The following OCSTAMP variants were observed in gnomAD, a reference collection of about 807,000 sequenced individuals.
The protein encoded by OCSTAMP is osteoclast stimulatory transmembrane protein, also known as transmembrane protein C20orf123.
Under a neutral mutation model 25.2 loss-of-function variants are expected in OCSTAMP, and 17 were observed. That is an observed-to-expected ratio of 0.68 (90% CI 0.46 to 1.01). The LOEUF is 1.01. OCSTAMP is among the 50% of genes least tolerant of loss of function. The pLI, the probability that OCSTAMP is intolerant of heterozygous loss-of-function variation, is 0.00. For missense variants in OCSTAMP, 664 were observed against 694.6 expected (o/e 0.96, Z 0.50); for synonymous variants, 345 against 318.9 (o/e 1.08, Z -0.87).
At chr20:46,544,849 G>C (rs2061845990) in intron 2 of OCSTAMP, among the ~76,000 whole-genome samples, 1 of 152,178 alleles carries the variant, frequency 6.6e-6, no homozygotes, top group Non-Finnish European at 1.5e-5. Context: ...TCCTGATCAA[G>C]GCCATTCCAA....
chr20:46,545,914 C>T lies in OCSTAMP; in HGVS notation c.460G>A (p.Glu154Lys), dbSNP rs1038135069. Residue 154 changes from glutamate to lysine, a missense_variant, in exon 2 of 3, where the codon GAG becomes AAG. By Grantham distance (56) the Glu-to-Lys change is moderately conservative (BLOSUM62 1). Transcript: ENST00000279028. ...TTGAGGAGACTCTCCAGGGAGCCCT[C>T]GGTGACACACCTCAGCACCTGCCCG... ...AAGQVLRCVT[E>K]GSLESLLNTT... is the part of the protein sequence containing the mutation. 10 of 1,551,356 alleles carry T rather than the reference C, an allele frequency of 6.4e-6. No individual in the cohort carries two copies. The highest frequency in any genetic ancestry group is 5.9e-5 in the South Asian group (5 of 84,054).
In OCSTAMP at chr20:46,545,460, A is replaced by T; in HGVS notation, c.914T>A (p.Leu305Gln). Reference sequence around the variant, plus strand: ...CGTGGCCACGAGGAGCAGGGCAAGCAGCCCCAGCCTTAGAAGACAACTCAA... The same window carrying T: ...CGTGGCCACGAGGAGCAGGGCAAGCTGCCCCAGCCTTAGAAGACAACTCAA... ...ELLSCLLRLG[L>Q]LALLLVATAV... Residue 305 changes from leucine (L) to glutamine (Q), a missense_variant, in exon 2 of 3, where the codon CTG becomes CAG. Leu to Gln is a moderately radical substitution (Grantham distance 113). Coordinates refer to ENST00000279028, the MANE Select transcript of OCSTAMP (RefSeq NM_080721.3). 6.4e-7 allele frequency: 1 copy of T among 1,551,466 alleles called. No individual in the cohort carries two copies. Among genetic ancestry groups the T allele is most frequent in the Non-Finnish European group, 8.7e-7 (1 of 1,146,958 alleles).
rs965978667 is a variant in OCSTAMP, at chr20:46,543,150, T to C, written c.1048-1223A>G. ...ATCAGATTACTTCCCCTCCCTCCCT[T>C]CCTTCCTTCCTCCCTTCCTTCCTTC... is the stretch of plus-strand genomic sequence containing the variant. On this transcript the variant is annotated intron_variant, in intron 2 of 2. Coordinates refer to ENST00000279028, the MANE Select transcript of OCSTAMP (RefSeq NM_080721.3). Among the ~76,000 whole-genome samples the C allele has an allele frequency of 3.3e-5, 5 of 149,630 alleles. No homozygotes were observed. In the South Asian group the frequency reaches 6.6e-4, roughly 20 times the overall value.
Position 46,546,314 on chromosome 20 carries a change from G to A in OCSTAMP, c.60C>T (p.His20=). The change falls in exon 2 of 3, where the codon CAC becomes CAT. Residue 20 remains histidine (H), a synonymous_variant. Transcript: ENST00000279028. ...QLVKTGWRSW[H]LGFWKALAPL... ...GGGCAAGGGCCTTCCAGAACCCCAA[G>A]TGCCAGGACCTCCACCTGCACACAA... 1 of 1,548,844 alleles carries A rather than the reference G, an allele frequency of 6.5e-7. No homozygotes were observed. The highest frequency in any genetic ancestry group is 8.7e-7 in the Non-Finnish European group (1 of 1,146,430).
Position 46,541,798 on chromosome 20 carries a change from G to GT in OCSTAMP, c.1176dup (p.Pro393ThrfsTer103). 1.3e-6 allele frequency: 2 copies of GT among 1,490,734 alleles called. No homozygotes were observed. The highest frequency in any genetic ancestry group is 1.4e-5 in the South Asian group (1 of 72,456). 92.3% of individuals were successfully genotyped at this position (1,490,734 alleles called of 1,614,324 possible). A position where few individuals can be genotyped will look rare whatever the true frequency, so the allele number is the denominator to read the frequency against. On this transcript the variant is annotated frameshift_variant, in exon 3 of 3. Coordinates refer to ENST00000279028, the MANE Select transcript of OCSTAMP (RefSeq NM_080721.3). LOFTEE classifies it low-confidence loss of function (END_TRUNC). ...GCAGCTGCGCGGGGACGCCGGGCGG[G>GT]TAGCAGTGGGCAGCGGGCGGAGGTG...
At position 46,545,799 on chromosome 20, in the gene OCSTAMP, T is replaced by A; in HGVS notation, c.575A>T (p.Asn192Ile). 6.4e-7 allele frequency: 1 copy of A among 1,551,390 alleles called. No homozygotes were observed. Among genetic ancestry groups the A allele is most frequent in the Non-Finnish European group, 8.7e-7 (1 of 1,146,996 alleles). ...SRGLTFEAQDNGSAFYLHMLR... is the reference protein window; with the variant it reads ...SRGLTFEAQDIGSAFYLHMLR... Reference sequence around the variant, plus strand: ...CATGTGAAGGTAGAAGGCAGAGCCATTGTCCTGGGCCTCAAATGTCAGGCC... The same window carrying A: ...CATGTGAAGGTAGAAGGCAGAGCCAATGTCCTGGGCCTCAAATGTCAGGCC... Residue 192 changes from asparagine to isoleucine, a missense_variant, in exon 2 of 3, where the codon AAT becomes ATT. Asn to Ile is a moderately radical substitution (Grantham distance 149, BLOSUM62 -3). Transcript: ENST00000279028.
chr20:46,548,892 G>A (rs1028825425), intron 1 of OCSTAMP, among the ~76,000 whole-genome samples: 3 of 152,132 alleles, frequency 2.0e-5, no homozygotes, highest in Admixed American at 6.5e-5. Context: ...TTGCTGCAAC[G>A]ACAAAAAAAC....
intron 2 of OCSTAMP, among the ~76,000 whole-genome samples, chr20:46,542,997 G>A (rs1342382465): frequency 6.6e-6 from 1 of 152,192 alleles, no homozygotes; most frequent in Non-Finnish European, 1.5e-5. Context: ...AGAAAATGCT[G>A]GAAACAATGG....
At position 46,541,560 on chromosome 20, in the gene OCSTAMP, G is replaced by A; in HGVS notation, c.1415C>T (p.Pro472Leu). ...PLGDPSCVPTPRPACKPPAWI... is the reference protein window; with the variant it reads ...PLGDPSCVPTLRPACKPPAWI... Reference sequence around the variant, plus strand: ...TGCCGGAGGCTTGCAGGCAGGTCTGGGTGTGGGGACGCAAGAAGGATCCCC... The same window carrying A: ...TGCCGGAGGCTTGCAGGCAGGTCTGAGTGTGGGGACGCAAGAAGGATCCCC... Residue 472 changes from proline (P) to leucine (L), a missense_variant, in exon 3 of 3, where the codon CCC becomes CTC. Pro to Leu is a moderately conservative substitution (Grantham distance 98). Transcript: ENST00000279028. The A allele has an allele frequency of 1.3e-6, 2 of 1,551,760 alleles. No individual in the cohort carries two copies. The highest frequency in any genetic ancestry group is 1.4e-5 in the African/African-American group (1 of 73,200).
At chr20:46,544,355 G>T (rs2061844660) in intron 2 of OCSTAMP, among the ~76,000 whole-genome samples, 2 of 152,196 alleles carry the variant, frequency 1.3e-5, no homozygotes, top group Admixed American at 1.3e-4. Context: ...TTTTCCAGTT[G>T]ATTCTATTTC....
chr20:46,541,917 G>GGGA lies in OCSTAMP; in HGVS notation c.1057_1058insTCC (p.Thr353delinsIlePro). The GGGA allele has an allele frequency of 7.0e-7, 1 of 1,432,172 alleles. No individual in the cohort carries two copies. Among genetic ancestry groups the GGGA allele is most frequent in the Non-Finnish European group, 9.1e-7 (1 of 1,093,390 alleles). The allele number at this position is 1,432,172 out of a possible 1,614,324, so 88.7% of individuals were successfully genotyped here. On this transcript the variant is annotated protein_altering_variant, in exon 3 of 3. Coordinates refer to ENST00000279028, the MANE Select transcript of OCSTAMP (RefSeq NM_080721.3). ...GAGGAAAGGGATGAAGCCCAGGACA[G>GGGA]TGTATGCCACCTTGGGAAAGGAGAA... is the stretch of plus-strand genomic sequence containing the variant.
In OCSTAMP at chr20:46,546,106, G is replaced by A; in HGVS notation, c.268C>T (p.Leu90Phe). ...AGGCCCAGGCTCAGGAAGACCAGGA[G>A]GCCACAGACAGTGGCAACCATGGCT... Reference protein sequence around the residue: ...PSAMVATVCGLLVFLSLGLVP... With the variant: ...PSAMVATVCGFLVFLSLGLVP... The change falls in exon 2 of 3, where the codon CTC becomes TTC. Residue 90 changes from leucine (L) to phenylalanine (F), a missense_variant. Coordinates refer to ENST00000279028, the MANE Select transcript of OCSTAMP (RefSeq NM_080721.3). 1 of 1,551,764 alleles carries A rather than the reference G, an allele frequency of 6.4e-7. No individual in the cohort carries two copies. Among genetic ancestry groups the A allele is most frequent in the East Asian group, 2.4e-5 (1 of 40,928 alleles).
chr20:46,541,087 A>G lies in OCSTAMP; in HGVS notation c.*187T>C. ...TTAAAACTATGGGTTACTATAAATG[A>G]GTTTAGAGGATTTTGAGGCATATAA... On this transcript the variant is annotated 3_prime_UTR_variant, in exon 3 of 3. Transcript: ENST00000279028. The G allele has an allele frequency of 3.5e-6, 2 of 569,452 alleles. No individual in the cohort carries two copies. Among genetic ancestry groups the G allele is most frequent in the South Asian group, 5.1e-5 (2 of 39,356 alleles). 35.3% of individuals were successfully genotyped at this position (569,452 alleles called of 1,614,324 possible).
rs1187456098 is a variant in OCSTAMP at position 46,546,056 on chromosome 20, A to G, written c.318T>C (p.Phe106=). ...LGLVPPVRCL[F]ALSVPTLGME... ...TACCCAGGGTGGGCACGCTGAGTGC[A>G]AACAGGCAGCGGACTGGGGGTACCA... The change falls in exon 2 of 3, where the codon TTT becomes TTC. Residue 106 remains phenylalanine, a synonymous_variant. Coordinates refer to ENST00000279028, the MANE Select transcript of OCSTAMP (RefSeq NM_080721.3). The G allele has an allele frequency of 3.9e-6, 6 of 1,551,606 alleles. No homozygotes were observed. In the Admixed American group the frequency reaches 1.2e-4, roughly 30 times the overall value.
At chr20:46,543,213 TCTTC>T (rs1249406405) in intron 2 of OCSTAMP, among the ~76,000 whole-genome samples, 8 of 149,586 alleles carry the variant, frequency 5.3e-5, no homozygotes, top group Non-Finnish European at 8.9e-5. Context: ...CTTTTTTCTT[TCTTC>T]CTTCCTTCCT....
rs1237258335 is a variant in OCSTAMP, at chr20:46,545,641, G to C, written c.733C>G (p.Leu245Val). ...LGLLVESAWY[L>V]HCYLTDLRFD... is the part of the protein sequence containing the mutation. ...CGCAGGTCTGTCAGGTAGCAATGGA[G>C]GTACCATGCCGACTCCACCAGGAGG... Residue 245 changes from leucine (L) to valine (V), a missense_variant, in exon 2 of 3, where the codon CTC (leucine) becomes GTC (valine). By Grantham distance (32) the Leu-to-Val change is conservative. Transcript: ENST00000279028. 6.4e-7 allele frequency: 1 copy of C among 1,551,752 alleles called. No homozygotes were observed. Among genetic ancestry groups the C allele is most frequent in the Non-Finnish European group, 8.7e-7 (1 of 1,147,008 alleles).
intron 1 of OCSTAMP, among the ~76,000 whole-genome samples, chr20:46,548,106 C>T (rs557764020): frequency 6.6e-6 from 1 of 152,188 alleles, no homozygotes; most frequent in Non-Finnish European, 1.5e-5. Flanking sequence ...ATACGCAGAG[C>T]AGAGTAATGT....
rs2061832306 is a variant in OCSTAMP, at chr20:46,541,195, C to T, written c.*79G>A. On this transcript the variant is annotated 3_prime_UTR_variant, in exon 3 of 3. Coordinates refer to ENST00000279028, the MANE Select transcript of OCSTAMP (RefSeq NM_080721.3). ...GAGCAGTTGGTGCAGATGAGATGAG[C>T]CTGATCGCCAACCAGCCTGGAGGAA... 1 of 667,102 alleles carries T rather than the reference C, an allele frequency of 1.5e-6. No homozygotes were observed. 41.3% of individuals were successfully genotyped at this position (667,102 alleles called of 1,614,324 possible). A position where few individuals can be genotyped will look rare whatever the true frequency, so the allele number is the denominator to read the frequency against.
chr20:46,550,468 G>T, intron 1 of OCSTAMP, 49 bp downstream of exon 1: 2 of 1,516,050 alleles, frequency 1.3e-6, no homozygotes, highest in Admixed American at 2.0e-5. Context: ...CCCAATGGCT[G>T]ACTGTTTTCT....
Sources: gnomAD v4.1 joint callset for allele counts (sites outside exome capture counted in the v4.1 genomes callset) on GRCh38, gnomAD v4.1.1 for gene constraint, MANE v1.5 for transcripts, NCBI Gene and HGNC (gene_info 2026-07-23, HGNC 2026-07-21) for gene names.